ANKS1B: variants seen among roughly 807,000 people sequenced by gnomAD.
ANKS1B encodes the protein ankyrin repeat and sterile alpha motif domain-containing protein 1B.
ANKS1B carries 36 observed loss-of-function variants against 148.3 expected under a neutral mutation model. The observed-to-expected ratio is 0.24, with a 90% CI of 0.19 to 0.32. The LOEUF (loss-of-function observed/expected upper bound fraction) is 0.32. Ranked by LOEUF, ANKS1B falls within the 10% of genes least tolerant of loss-of-function variation. The probability of loss-of-function intolerance (pLI) is 1.00; values close to 1 mark genes in which losing one functional copy is unlikely to be tolerated. For missense variants in ANKS1B, 1,157 were observed against 1,542.6 expected, an observed-to-expected ratio of 0.75 and a Z score of 4.19; for synonymous variants, 542 against 560.8, an observed-to-expected ratio of 0.97 and a Z score of 0.47.
Position 99,504,489 on chromosome 12 carries a change from A to C in ANKS1B, c.1425T>G (p.Pro475=). Residue 475 remains proline, a synonymous_variant, in exon 10 of 27, where the codon CCT becomes CCG. Transcript: ENST00000683438. ...AAGAGATATTACCAGTTCTTGGGGA[A>C]GGTGCCCTTGCAATTTCTAAGGAGC... is the stretch of plus-strand genomic sequence containing the variant. ...KPCSLEIARA[P]SPRTDNASEV... is the part of the protein sequence containing the mutation. 1.2e-6 allele frequency: 2 copies of C among 1,612,274 alleles called. No homozygotes were observed. Among genetic ancestry groups the C allele is most frequent in the Non-Finnish European group, 1.7e-6 (2 of 1,179,336 alleles).
intron 17 of ANKS1B, among the ~76,000 whole-genome samples, chr12:98,940,254 A>G (rs2093136905): frequency 6.6e-6 from 1 of 152,140 alleles, no homozygotes; most frequent in East Asian, 1.9e-4. Context: ...GCAAGAGGGG[A>G]GCAAAGGGCA....
At chr12:98,962,537 A>T (rs1352659360) in intron 17 of ANKS1B, among the ~76,000 whole-genome samples, 1 of 152,088 alleles carries the variant, frequency 6.6e-6, no homozygotes, top group Non-Finnish European at 1.5e-5. Context: ...TGAACAAATG[A>T]TCCAGACAGA....
chr12:99,409,991 C>G (rs1434360983), intron 11 of ANKS1B, among the ~76,000 whole-genome samples: 3 of 152,206 alleles, frequency 2.0e-5, no homozygotes, highest in Non-Finnish European at 4.4e-5. Context: ...TCATATCACC[C>G]TACTTTCCAG....
intron 4 of ANKS1B, among the ~76,000 whole-genome samples, chr12:99,805,503 G>A (rs556539779): frequency 1.1e-4 from 16 of 151,664 alleles, no homozygotes; most frequent in Admixed American, 3.9e-4. Context: ...GTGTACCTGC[G>A]GTCCCACCAG....
chr12:99,959,227 A>ATTTTT (rs71088166), intron 1 of ANKS1B, among the ~76,000 whole-genome samples: 30 of 99,864 alleles, frequency 3.0e-4, no homozygotes, highest in Non-Finnish European at 3.7e-4. Context: ...CACCCAGTTA[A>ATTTTT]TTTTTTTTTT....
At chr12:98,747,965 G>A (rs2097939114) in intron 26 of ANKS1B, among the ~76,000 whole-genome samples, 1 of 152,186 alleles carries the variant, frequency 6.6e-6, no homozygotes, top group African/African-American at 2.4e-5. Flanking sequence ...AGGGAGAGTA[G>A]GGATGAAGAG....
intron 9 of ANKS1B, among the ~76,000 whole-genome samples, chr12:99,640,556 G>C (rs2098292655): frequency 6.6e-6 from 1 of 152,068 alleles, no homozygotes; most frequent in South Asian, 2.1e-4. Context: ...TTCTGCCTTG[G>C]GATGATGTAG....
Position 99,843,197 on chromosome 12 carries a change from T to C in ANKS1B, c.135-17808A>G, listed in dbSNP as rs150132592. Among the ~76,000 whole-genome samples the C allele has an allele frequency of 4.5e-4, 69 of 152,256 alleles. 1 individual carries two copies. The East Asian group carries it at 0.013, about 29-fold the overall frequency. On this transcript the variant is annotated intron_variant, in intron 1 of 26. Transcript: ENST00000683438. ...AGGAGATAAGTTATTTCCATTTAGG[T>C]TTTCTAATTTGTTGACTAGAAATCA...
At chr12:99,862,385 A>G (rs1386743677) in intron 1 of ANKS1B, among the ~76,000 whole-genome samples, 2 of 152,256 alleles carry the variant, frequency 1.3e-5, no homozygotes, top group African/African-American at 4.8e-5. Context: ...ATTTAAAGCA[A>G]GACATCTGTG....
chr12:98,890,301 C>G (rs997698180), intron 17 of ANKS1B, among the ~76,000 whole-genome samples: 1 of 152,014 alleles, frequency 6.6e-6, no homozygotes, highest in African/African-American at 2.4e-5. Context: ...ACCAACCAAC[C>G]CCATAAGAGA....
At chr12:99,570,210 T>C (rs2097437763) in intron 9 of ANKS1B, among the ~76,000 whole-genome samples, 1 of 152,156 alleles carries the variant, frequency 6.6e-6, no homozygotes, top group African/African-American at 2.4e-5. Flanking sequence ...TGCCAGCTTG[T>C]ATAAAGATTC....
At chr12:98,799,605 A>G (rs556345193) in intron 21 of ANKS1B, among the ~76,000 whole-genome samples, 1 of 152,124 alleles carries the variant, frequency 6.6e-6, no homozygotes, top group East Asian at 1.9e-4. Context: ...GCGAAGTGCC[A>G]CCTGGAGGGC....
chr12:99,884,575 C>T (rs1210256993), intron 1 of ANKS1B, among the ~76,000 whole-genome samples: 2 of 152,136 alleles, frequency 1.3e-5, no homozygotes, highest in Non-Finnish European at 2.9e-5. Flanking sequence ...TAAAAATGAA[C>T]TATTGATACA....
chr12:98,823,388 T>C (rs923635793), intron 19 of ANKS1B, among the ~76,000 whole-genome samples: 5 of 152,246 alleles, frequency 3.3e-5, no homozygotes, highest in African/African-American at 1.2e-4. Context: ...GTAGTGGCTA[T>C]GTGATGAAAA....
At chr12:99,903,739 A>T (rs2093679139) in intron 1 of ANKS1B, among the ~76,000 whole-genome samples, 1 of 150,964 alleles carries the variant, frequency 6.6e-6, no homozygotes, top group South Asian at 2.1e-4. Context: ...ACTCCGGAGG[A>T]AAAATGGGAG....
At chr12:99,937,261 C>A (rs984414194) in intron 1 of ANKS1B, among the ~76,000 whole-genome samples, 2 of 152,152 alleles carry the variant, frequency 1.3e-5, no homozygotes, top group African/African-American at 4.8e-5. Context: ...TCTGCAGGGG[C>A]CATTCTGCCA....
chr12:99,890,571 GTGTGTGT>G (rs1403300260), intron 1 of ANKS1B, among the ~76,000 whole-genome samples: 1 of 690 alleles, frequency 1.4e-3, no homozygotes, highest in Non-Finnish European at 3.9e-3. Context: ...CGCATTCATG[GTGTGTGT>G]GTGTGTGTGT....
rs148663206 is a variant in ANKS1B, at chr12:99,794,460, TACACAC to T, written c.669+11938_669+11943del. ...AGATGAAAGGATAAAGAAAATGTGG[TACACAC>T]ACACACACACACACACACACACACA... On this transcript the variant is annotated intron_variant, in intron 4 of 26. Coordinates refer to ENST00000683438, the MANE Select transcript of ANKS1B (RefSeq NM_001352186.2). Among the ~76,000 whole-genome samples, 488 of 143,662 alleles carry T rather than the reference TACACAC, an allele frequency of 3.4e-3. 2 individuals are homozygous for T. The highest frequency in any genetic ancestry group is 5.4e-3 in the Non-Finnish European group (357 of 65,860). 94.2% of individuals were successfully genotyped at this position (143,662 alleles called of 152,430 possible). A position where few individuals can be genotyped will look rare whatever the true frequency, so the allele number is the denominator to read the frequency against.
intron 14 of ANKS1B, among the ~76,000 whole-genome samples, chr12:99,234,226 C>A (rs2087421907): frequency 6.6e-6 from 1 of 152,122 alleles, no homozygotes; most frequent in Non-Finnish European, 1.5e-5. Context: ...CCATTAATTT[C>A]ATTGCCTGTC....
Sources: gnomAD v4.1 joint callset for allele counts (sites outside exome capture counted in the v4.1 genomes callset) on GRCh38, gnomAD v4.1.1 for gene constraint, MANE v1.5 for transcripts, NCBI Gene and HGNC (gene_info 2026-07-23, HGNC 2026-07-21) for gene names.